Variants in NDUFAF2 observed in about 807,000 individuals in gnomAD.
The protein encoded by NDUFAF2 is NADH:ubiquinone oxidoreductase complex assembly factor 2, also known as NADH dehydrogenase [ubiquinone] 1 alpha subcomplex assembly factor 2.
In NDUFAF2, 13 loss-of-function variants were observed where a neutral mutation model predicts 22.8. The observed-to-expected ratio is 0.57, with a 90% CI of 0.37 to 0.91. NDUFAF2 has a LOEUF of 0.91. Ranked by LOEUF, NDUFAF2 falls within the 40% of genes least tolerant of loss-of-function variation. The pLI is 0.01. For synonymous variants in NDUFAF2, 53 were observed against 64.2 expected, an observed-to-expected ratio of 0.83 and a Z score of 0.84; for missense variants, 162 against 195.2, an observed-to-expected ratio of 0.83 and a Z score of 1.01.
chr5:61,138,271 G>GGCAATAATAA (rs55825248), intron 3 of NDUFAF2, among the ~76,000 whole-genome samples: 4 of 152,200 alleles, frequency 2.6e-5, no homozygotes, highest in African/African-American at 4.8e-5. Context: ...CTTATTAGGA[G>GGCAATAATAA]TCCAAGCAAG....
intron 3 of NDUFAF2, among the ~76,000 whole-genome samples, chr5:61,150,151 T>G (rs1315905805): frequency 6.6e-6 from 1 of 152,110 alleles, no homozygotes; most frequent in Non-Finnish European, 1.5e-5. Flanking sequence ...AGGCTGGTGT[T>G]GAACTCTTGG....
At chr5:60,981,819 T>A (rs976628408) in intron 1 of NDUFAF2, among the ~76,000 whole-genome samples, 3 of 152,144 alleles carry the variant, frequency 2.0e-5, no homozygotes, top group Non-Finnish European at 4.4e-5. Flanking sequence ...AGTGAACTCA[T>A]TTTCAGCAGA....
At chr5:60,958,484 T>C (rs2112566231) in intron 1 of NDUFAF2, among the ~76,000 whole-genome samples, 1 of 152,310 alleles carries the variant, frequency 6.6e-6, no homozygotes, top group East Asian at 1.9e-4. Flanking sequence ...ATAACTATTA[T>C]TTATTAGGTG....
chr5:60,952,078 A>G (rs1229616247), intron 1 of NDUFAF2, among the ~76,000 whole-genome samples: 2 of 151,530 alleles, frequency 1.3e-5, no homozygotes, highest in Non-Finnish European at 2.9e-5. Flanking sequence ...CTCTTTCCTG[A>G]ATTGATAATT....
At chr5:61,113,805 A>G (rs1752874752) in intron 3 of NDUFAF2, among the ~76,000 whole-genome samples, 2 of 119,384 alleles carry the variant, frequency 1.7e-5, no homozygotes, top group East Asian at 3.8e-4. Context: ...CAACTAATAC[A>G]TAGGATTAAA....
intron 1 of NDUFAF2, among the ~76,000 whole-genome samples, chr5:61,060,651 A>G (rs1752152421): frequency 6.6e-6 from 1 of 152,120 alleles, no homozygotes; most frequent in Non-Finnish European, 1.5e-5. Flanking sequence ...CAACTATCTC[A>G]GAAGTATGTC....
chr5:61,068,709 C>T (rs1039581768), intron 1 of NDUFAF2, among the ~76,000 whole-genome samples: 1 of 152,072 alleles, frequency 6.6e-6, no homozygotes, highest in Admixed American at 6.6e-5. Flanking sequence ...TAAGATGTGT[C>T]TTCCACATTC....
At chr5:61,021,514 T>C (rs1232422872) in intron 1 of NDUFAF2, among the ~76,000 whole-genome samples, 1 of 152,186 alleles carries the variant, frequency 6.6e-6, no homozygotes, top group Non-Finnish European at 1.5e-5. Flanking sequence ...ATATACAAAG[T>C]CATTTTTGCC....
intron 1 of NDUFAF2, among the ~76,000 whole-genome samples, chr5:61,061,041 C>A (rs181783109): frequency 6.6e-6 from 1 of 152,210 alleles, no homozygotes; most frequent in East Asian, 1.9e-4. Flanking sequence ...TCTCCTGCCA[C>A]AGGTACCTTC....
chr5:61,147,641 T>C lies in NDUFAF2; in HGVS notation c.259-5063T>C, dbSNP rs944009556. Reference sequence around the variant, plus strand: ...TGCAGTCCAATCCAAATTTTTGCAATGATGGAAATGTTTTATAACTGTACT... The same window carrying C: ...TGCAGTCCAATCCAAATTTTTGCAACGATGGAAATGTTTTATAACTGTACT... On this transcript the variant is annotated intron_variant, in intron 3 of 3. Transcript: ENST00000296597. Among the ~76,000 whole-genome samples, 18 of 152,090 alleles carry C rather than the reference T, an allele frequency of 1.2e-4. No homozygotes were observed. In the South Asian group the frequency reaches 1.9e-3, roughly 16 times the overall value.
At chr5:61,040,286 ACGCG>A (rs1323303366) in intron 1 of NDUFAF2, among the ~76,000 whole-genome samples, 1,090 of 93,058 alleles carry the variant, frequency 0.012, 19 homozygotes, top group African/African-American at 0.044. Flanking sequence ...ACACACACAC[ACGCG>A]CGCGCGCGCG....
chr5:60,994,935 A>G (rs1323908923), intron 1 of NDUFAF2, among the ~76,000 whole-genome samples: 1 of 151,998 alleles, frequency 6.6e-6, no homozygotes, highest in Non-Finnish European at 1.5e-5. Flanking sequence ...CCTGACTTCA[A>G]GCTCACTGAT....
In NDUFAF2 at chr5:60,945,208, C is replaced by G; in HGVS notation, c.-48C>G. ...CTGGGTCGGCGGCTGGAGCATTACC[C>G]CTACTGCGGGTCCCGCTGCTGGCAG... is the stretch of plus-strand genomic sequence containing the variant. On this transcript the variant is annotated 5_prime_UTR_variant, in exon 1 of 4. Coordinates refer to ENST00000296597, the MANE Select transcript of NDUFAF2 (RefSeq NM_174889.5). The G allele has an allele frequency of 1.9e-6, 3 of 1,604,640 alleles. No individual in the cohort carries two copies. The highest frequency in any genetic ancestry group is 2.2e-5 in the South Asian group (2 of 89,860).
intron 1 of NDUFAF2, among the ~76,000 whole-genome samples, chr5:60,974,090 C>T (rs1019484124): frequency 6.6e-6 from 1 of 152,192 alleles, no homozygotes; most frequent in Non-Finnish European, 1.5e-5. Context: ...AGGAGATTAA[C>T]ATTTGAGTCA....
intron 1 of NDUFAF2, among the ~76,000 whole-genome samples, chr5:60,985,971 C>G (rs1751069225): frequency 6.6e-6 from 1 of 152,124 alleles, no homozygotes; most frequent in African/African-American, 2.4e-5. Flanking sequence ...AGCTAAATGG[C>G]TTGTGTCCAA....
chr5:61,149,236 G>A (rs930170294), intron 3 of NDUFAF2, among the ~76,000 whole-genome samples: 1 of 152,154 alleles, frequency 6.6e-6, no homozygotes, highest in Admixed American at 6.5e-5. Context: ...CTCCCAGAGC[G>A]CTGGGATTAC....
intron 3 of NDUFAF2, among the ~76,000 whole-genome samples, chr5:61,141,088 G>A (rs770239765): frequency 4.6e-5 from 7 of 152,060 alleles, no homozygotes; most frequent in Non-Finnish European, 1.0e-4. Flanking sequence ...TTAGCCGGAC[G>A]TGGTGGCACA....
At chr5:61,129,591 A>G (rs1165050911) in intron 3 of NDUFAF2, among the ~76,000 whole-genome samples, 1 of 144,708 alleles carries the variant, frequency 6.9e-6, no homozygotes, top group Non-Finnish European at 1.5e-5. Context: ...GAATTGAACA[A>G]TGAGAACACT....
intron 1 of NDUFAF2, among the ~76,000 whole-genome samples, chr5:61,034,741 A>G (rs1369176150): frequency 6.6e-6 from 1 of 152,228 alleles, no homozygotes; most frequent in Non-Finnish European, 1.5e-5. Context: ...TGAAAGGAAC[A>G]CAAAGCCAAG....
Sources: gnomAD v4.1 joint callset for allele counts (sites outside exome capture counted in the v4.1 genomes callset) on GRCh38, gnomAD v4.1.1 for gene constraint, MANE v1.5 for transcripts, NCBI Gene and HGNC (gene_info 2026-07-23, HGNC 2026-07-21) for gene names.